Variants in TPTE observed in about 807,000 individuals in gnomAD.
TPTE encodes the protein transmembrane phosphatase with tensin homology.
Under a neutral mutation model 84.1 loss-of-function variants are expected in TPTE, and 59 were observed. The observed-to-expected ratio is 0.70, with a 90% confidence interval of 0.57 to 0.87. The LOEUF (loss-of-function observed/expected upper bound fraction) is 0.87, where lower values mean the gene tolerates loss of function less well. Ranked by LOEUF, TPTE falls within the 40% of genes least tolerant of loss-of-function variation. The pLI, the probability that TPTE is intolerant of heterozygous loss-of-function variation, is 0.00. For missense variants in TPTE, 382 were observed against 659.6 expected (o/e 0.58, Z 4.61); for synonymous variants, 130 against 223.5 (o/e 0.58, Z 3.73).
Position 10,581,765 on chromosome 21 carries a change from C to T in TPTE, c.1027+3160C>T, listed in dbSNP as rs369230070. 1.4e-4 allele frequency among the ~76,000 whole-genome samples: 22 copies of T among 152,364 alleles called. No individual in the cohort carries two copies. In the East Asian group the frequency reaches 1.7e-3, roughly 12 times the overall value. The stretch of plus-strand genomic sequence containing the variant: ...TGTTTTGTTTTGAGACATGATCTCG[C>T]TGTGTCACTCAGGCTGGAGTGCAGT... On this transcript the variant is annotated intron_variant, in intron 17 of 23. Transcript: ENST00000618007.
chr21:10,548,342 T>A (rs1328804572), intron 7 of TPTE, among the ~76,000 whole-genome samples: 1 of 152,302 alleles, frequency 6.6e-6, no homozygotes. Context: ...TAGTCCTGTA[T>A]CCATTCCCAG....
At chr21:10,551,254 G>C (rs1207474911) in intron 7 of TPTE, among the ~76,000 whole-genome samples, 1 of 152,226 alleles carries the variant, frequency 6.6e-6, no homozygotes, top group East Asian at 1.9e-4. Flanking sequence ...CTCAGACACA[G>C]GAAGGGGGAC....
At chr21:10,531,546 C>T (rs2074178815) in intron 3 of TPTE, among the ~76,000 whole-genome samples, 1 of 152,306 alleles carries the variant, frequency 6.6e-6, no homozygotes, top group Admixed American at 6.5e-5. Flanking sequence ...CTTATGGCAA[C>T]ACTAAACAGA....
chr21:10,561,422 G>T (rs2074801787), intron 10 of TPTE, among the ~76,000 whole-genome samples: 1 of 152,144 alleles, frequency 6.6e-6, no homozygotes, highest in Non-Finnish European at 1.5e-5. Context: ...AACCTGGGAG[G>T]CAGAAGTTGC....
At chr21:10,585,939 A>G (rs1463745261) in intron 17 of TPTE, among the ~76,000 whole-genome samples, 4 of 152,284 alleles carry the variant, frequency 2.6e-5, no homozygotes, top group Admixed American at 1.3e-4. Flanking sequence ...TATTCCTGAC[A>G]TTGCTTTCTT....
chr21:10,528,727 A>T (rs574618379), intron 3 of TPTE, among the ~76,000 whole-genome samples: 12 of 152,418 alleles, frequency 7.9e-5, no homozygotes, highest in African/African-American at 2.6e-4. Context: ...TTTTGAATTA[A>T]TTTTCCACAT....
At chr21:10,527,468 G>A (rs963310713) in intron 3 of TPTE, 56 bp downstream of exon 3, 2 of 152,766 alleles carry the variant, frequency 1.3e-5, no homozygotes, top group East Asian at 1.9e-4. Flanking sequence ...GGCAATAACA[G>A]CTTTCTATCA....
At chr21:10,569,854 A>G (rs2075007575) in intron 13 of TPTE, 108 bp downstream of exon 13, 9 of 1,606,004 alleles carry the variant, frequency 5.6e-6, no homozygotes, top group Non-Finnish European at 7.7e-6. Flanking sequence ...TTCTTTATTC[A>G]TGAGGATATA....
Position 10,542,451 on chromosome 21 carries a change from G to A in TPTE, c.119+3G>A. 1 of 1,611,184 alleles carries A rather than the reference G, an allele frequency of 6.2e-7. No individual in the cohort carries two copies. Among genetic ancestry groups the A allele is most frequent in the Non-Finnish European group, 8.5e-7 (1 of 1,177,976 alleles). ...GAGGAGGCACCTGCGAAAGAAAGGT[G>A]AGCAATAAATAGTTAAAGTCACCCG... On this transcript the variant is annotated splice_donor_region_variant and intron_variant, in intron 6 of 23. Transcript: ENST00000618007.
chr21:10,566,548 C>T (rs527496392), intron 10 of TPTE, among the ~76,000 whole-genome samples: 131 of 152,336 alleles, frequency 8.6e-4, no homozygotes, highest in Non-Finnish European at 1.7e-3. Flanking sequence ...GAAGAGATAT[C>T]TGCATTCCCT....
At position 10,569,462 on chromosome 21, in the gene TPTE, C is replaced by T. The variant is rs147014138; in HGVS notation, c.592C>T (p.Arg198Ter). Residue 198 changes from arginine (R) to a stop codon, truncating the protein, a stop_gained, in exon 12 of 24, where the codon CGA becomes TGA. Transcript: ENST00000618007. LOFTEE classifies it high-confidence loss of function. ...PRWTHLLRLL[R>*]LIILLRIFHL... ...ATGGACACATTTACTTCGACTTCTA[C>T]GACTTATTATTCTGTTAAGAATTTT... The T allele has an allele frequency of 1.2e-3, 1,851 of 1,603,568 alleles. No homozygotes were observed. Among genetic ancestry groups the T allele is most frequent in the South Asian group, 1.4e-3 (124 of 89,286 alleles).
intron 9 of TPTE, among the ~76,000 whole-genome samples, chr21:10,560,373 T>C (rs2074772954): frequency 6.6e-6 from 1 of 152,312 alleles, no homozygotes; most frequent in Non-Finnish European, 1.5e-5. Context: ...TGCAAGTTTT[T>C]AAAAAAGTAC....
At chr21:10,532,523 G>C (rs555681571) in intron 3 of TPTE, among the ~76,000 whole-genome samples, 2 of 152,416 alleles carry the variant, frequency 1.3e-5, no homozygotes, top group Admixed American at 1.3e-4. Flanking sequence ...CTTATGTTTT[G>C]CTTCCTTATT....
At chr21:10,594,857 C>G (rs1341804318) in intron 19 of TPTE, among the ~76,000 whole-genome samples, 1 of 152,310 alleles carries the variant, frequency 6.6e-6, no homozygotes, top group Non-Finnish European at 1.5e-5. Flanking sequence ...TTCTCAGACA[C>G]CATCACATTC....
At position 10,541,155 on chromosome 21, in the gene TPTE, C is replaced by T. The variant is rs1488053137; in HGVS notation, c.55C>T (p.Pro19Ser). Residue 19 changes from proline (P) to serine (S), a missense_variant, in exon 5 of 24, where the codon CCC (proline) becomes TCC (serine). Transcript: ENST00000618007. The stretch of plus-strand genomic sequence containing the variant: ...GGCGGGAGTCATCATTGAGCTCGGC[C>T]CCAATGACAGGTGAGTTATAAAAGA... ...DLAGVIIELG[P>S]NDSPQTSEFK... is the part of the protein sequence containing the mutation. 6.2e-7 allele frequency: 1 copy of T among 1,613,214 alleles called. No individual in the cohort carries two copies. The highest frequency in any genetic ancestry group is 8.5e-7 in the Non-Finnish European group (1 of 1,179,254).
chr21:10,550,362 A>G (rs2074549945), intron 7 of TPTE, among the ~76,000 whole-genome samples: 1 of 152,304 alleles, frequency 6.6e-6, no homozygotes, highest in Admixed American at 6.5e-5. Context: ...ATAGAAACAC[A>G]TAGACTGATA....
At chr21:10,573,545 GT>G (rs1399388549) in intron 14 of TPTE, among the ~76,000 whole-genome samples, 1 of 152,308 alleles carries the variant, frequency 6.6e-6, no homozygotes, top group African/African-American at 2.4e-5. Flanking sequence ...ATAATTTATT[GT>G]ATATTTTTAA....
chr21:10,559,383 C>T, intron 8 of TPTE, 111 bp from the exon 9 acceptor site: 2 of 1,499,112 alleles, frequency 1.3e-6, no homozygotes, highest in South Asian at 2.5e-5. Flanking sequence ...TATACAACTT[C>T]TGAATAATTT....
intron 17 of TPTE, among the ~76,000 whole-genome samples, chr21:10,581,201 A>G (rs212133): frequency 2.6e-5 from 4 of 151,760 alleles, no homozygotes. Flanking sequence ...TATATACTGG[A>G]AATTTACAGT....
Sources: gnomAD v4.1 joint callset for allele counts (sites outside exome capture counted in the v4.1 genomes callset) on GRCh38, gnomAD v4.1.1 for gene constraint, MANE v1.5 for transcripts, NCBI Gene and HGNC (gene_info 2026-07-23, HGNC 2026-07-21) for gene names.